The following CSMD1 variants were observed in gnomAD, a reference collection of about 807,000 sequenced individuals.
The protein encoded by CSMD1 is CUB and sushi domain-containing protein 1.
CSMD1 carries 213 observed loss-of-function variants against 417.5 expected under a neutral mutation model. That is an observed-to-expected ratio of 0.51 (90% confidence interval 0.46 to 0.57). CSMD1 has a LOEUF of 0.57. Ranked by LOEUF, CSMD1 falls within the 20% of genes least tolerant of loss-of-function variation. CSMD1 has a pLI of 0.00. For synonymous variants in CSMD1, 2,862 were observed against 1,736.8 expected, an observed-to-expected ratio of 1.65 and a Z score of -16.11; for missense variants, 6,923 against 4,529.7, an observed-to-expected ratio of 1.53 and a Z score of -15.17.
At chr8:4,510,060 C>A (rs1802732956) in intron 2 of CSMD1, among the ~76,000 whole-genome samples, 1 of 152,024 alleles carries the variant, frequency 6.6e-6, no homozygotes, top group South Asian at 2.1e-4. Context: ...GGGGGTAGGT[C>A]TTTCTCATCC....
At chr8:4,118,365 T>A (rs1288463334) in intron 3 of CSMD1, among the ~76,000 whole-genome samples, 3 of 148,926 alleles carry the variant, frequency 2.0e-5, no homozygotes, top group African/African-American at 7.4e-5. Context: ...GACAAATGTC[T>A]AACATCCAGA....
At chr8:3,085,162 T>C (rs1192360299) in intron 49 of CSMD1, among the ~76,000 whole-genome samples, 1 of 152,170 alleles carries the variant, frequency 6.6e-6, no homozygotes, top group Non-Finnish European at 1.5e-5. Flanking sequence ...TAGATCAACA[T>C]TTTTATGATT....
chr8:3,271,505 C>T (rs1189759692), intron 26 of CSMD1, among the ~76,000 whole-genome samples: 2 of 147,464 alleles, frequency 1.4e-5, no homozygotes, highest in Non-Finnish European at 3.0e-5. Context: ...AATGTCCACA[C>T]TGACTTCCAC....
chr8:3,585,695 T>A (rs1800569722), intron 9 of CSMD1, among the ~76,000 whole-genome samples: 1 of 152,186 alleles, frequency 6.6e-6, no homozygotes, highest in South Asian at 2.1e-4. Flanking sequence ...AAATGATGAT[T>A]TGCAATCAGG....
chr8:4,095,902 C>A (rs894179526), intron 3 of CSMD1, among the ~76,000 whole-genome samples: 6 of 152,118 alleles, frequency 3.9e-5, no homozygotes, highest in Non-Finnish European at 7.3e-5. Context: ...ACTTTATACA[C>A]ACATTTTTGT....
intron 1 of CSMD1, among the ~76,000 whole-genome samples, chr8:4,872,523 C>A (rs1014121412): frequency 1.3e-5 from 2 of 152,078 alleles, no homozygotes; most frequent in Non-Finnish European, 2.9e-5. Context: ...TCACCTTCCA[C>A]CATCATTGTA....
In CSMD1 at chr8:3,407,855, G is replaced by C. The variant is rs1222294143; in HGVS notation, c.2071+44C>G. The C allele has an allele frequency of 3.3e-6, 5 of 1,506,096 alleles. No individual in the cohort carries two copies. The African/African-American group carries it at 5.5e-5, about 17-fold the overall frequency. 93.3% of individuals were successfully genotyped at this position (1,506,096 alleles called of 1,614,324 possible). On this transcript the variant is annotated intron_variant, in intron 14 of 69. Coordinates refer to ENST00000635120, the MANE Select transcript of CSMD1 (RefSeq NM_033225.6). ...ATATAAGCAAAATGGGAACATGTAA[G>C]TAAAATGAGAACTTGGATGTGTTGA...
chr8:3,017,685 T>C (rs374936290), intron 52 of CSMD1, among the ~76,000 whole-genome samples: 1 of 151,876 alleles, frequency 6.6e-6, no homozygotes, highest in African/African-American at 2.4e-5. Flanking sequence ...TTCTCCCAAA[T>C]GAAAAGAAGA....
chr8:3,656,588 C>T (rs567082030), intron 7 of CSMD1, among the ~76,000 whole-genome samples: 1 of 152,098 alleles, frequency 6.6e-6, no homozygotes, highest in Non-Finnish European at 1.5e-5. Flanking sequence ...TCTTACGAAG[C>T]CCTTTACTCT....
At position 3,119,819 on chromosome 8, in the gene CSMD1, G is replaced by A. The variant is rs150028268; in HGVS notation, c.6242-1232C>T. On this transcript the variant is annotated intron_variant, in intron 41 of 69. Transcript: ENST00000635120. ...CAGCACCAGTTCTGGGGGAACCTCC[G>A]CCCTGCCATGTAATTCTGCTGAAAC... Among the ~76,000 whole-genome samples the A allele has an allele frequency of 7.1e-3, 1,078 of 152,170 alleles. 16 individuals are homozygous for A. Among genetic ancestry groups the A allele is most frequent in the African/African-American group, 0.024 (977 of 41,508 alleles).
intron 2 of CSMD1, among the ~76,000 whole-genome samples, chr8:4,499,879 G>T (rs1457445321): frequency 6.6e-6 from 1 of 152,166 alleles, no homozygotes; most frequent in Admixed American, 6.5e-5. Context: ...GGAAAGTAAT[G>T]GTTAGTATTG....
At chr8:4,036,423 A>T (rs1012549324) in intron 3 of CSMD1, among the ~76,000 whole-genome samples, 2 of 152,184 alleles carry the variant, frequency 1.3e-5, no homozygotes, top group Admixed American at 6.5e-5. Context: ...ATATTTCTGA[A>T]GGAAAAATAT....
At chr8:3,852,709 G>C (rs1052996259) in intron 5 of CSMD1, among the ~76,000 whole-genome samples, 2 of 152,020 alleles carry the variant, frequency 1.3e-5, no homozygotes, top group Non-Finnish European at 2.9e-5. Context: ...GAGGCTGTGA[G>C]GGACGGGAGA....
In CSMD1 at chr8:3,103,502, A is replaced by G. The variant is rs996971121; in HGVS notation, c.6949+3026T>C. ...GGTAAGCATTCTCACATCTGAACTC[A>G]TCTCAACATTGAAAAGGTAATGCGT... is the stretch of plus-strand genomic sequence containing the variant. On this transcript the variant is annotated intron_variant, in intron 46 of 69. Transcript: ENST00000635120. 7.2e-5 allele frequency among the ~76,000 whole-genome samples: 11 copies of G among 152,114 alleles called. No homozygotes were observed. In the South Asian group the frequency reaches 2.3e-3, roughly 32 times the overall value.
At chr8:3,235,346 C>T (rs188452998) in intron 26 of CSMD1, among the ~76,000 whole-genome samples, 41 of 152,226 alleles carry the variant, frequency 2.7e-4, no homozygotes, top group Middle Eastern at 3.4e-3. Flanking sequence ...ATAATACTCA[C>T]TACTAGGAAA....
At chr8:4,022,330 C>T (rs1273100407) in intron 4 of CSMD1, among the ~76,000 whole-genome samples, 1 of 151,898 alleles carries the variant, frequency 6.6e-6, no homozygotes, top group Non-Finnish European at 1.5e-5. Context: ...AACACCCCTC[C>T]AATTCAGCAG....
chr8:4,123,162 A>C (rs984083145), intron 3 of CSMD1, among the ~76,000 whole-genome samples: 1 of 152,262 alleles, frequency 6.6e-6, no homozygotes, highest in African/African-American at 2.4e-5. Context: ...GTCCATGCTG[A>C]GATGTTTTTT....
At chr8:4,452,106 G>C (rs960537625) in intron 2 of CSMD1, among the ~76,000 whole-genome samples, 2 of 152,148 alleles carry the variant, frequency 1.3e-5, no homozygotes, top group African/African-American at 4.8e-5. Context: ...TTAGGGCAGT[G>C]TGATGCTTCC....
At chr8:4,248,081 C>A (rs1338305260) in intron 3 of CSMD1, among the ~76,000 whole-genome samples, 1 of 151,922 alleles carries the variant, frequency 6.6e-6, no homozygotes, top group South Asian at 2.1e-4. Context: ...AAGGAACTTT[C>A]TTCTGAAATT....
Sources: allele counts gnomAD v4.1 joint callset (sites outside exome capture counted in the v4.1 genomes callset), GRCh38; gene constraint gnomAD v4.1.1; transcripts MANE v1.5; gene names NCBI Gene and HGNC (gene_info 2026-07-23, HGNC 2026-07-21).